The following LYPLAL1 variants were observed in gnomAD, a reference collection of about 807,000 sequenced individuals.
The protein encoded by LYPLAL1 is lysophospholipase like 1.
Under a neutral mutation model 19.7 loss-of-function variants are expected in LYPLAL1, and 23 were observed. The ratio of observed to expected loss-of-function variants is 1.17; its 90% CI spans 0.84 to 1.65. The LOEUF is 1.65. Ranked by LOEUF, LYPLAL1 falls within the 40% of genes most tolerant of loss-of-function variation. The probability of loss-of-function intolerance (pLI) is 0.00; values close to 1 mark genes in which losing one functional copy is unlikely to be tolerated. For missense variants in LYPLAL1, 355 were observed against 279.4 expected (o/e 1.27, Z -1.93); for synonymous variants, 119 against 96.3 (o/e 1.24, Z -1.38).
chr1:219,317,799 A>G, the LYPLAL1 span, among the ~76,000 whole-genome samples: 2 of 152,172 alleles, frequency 1.3e-5, no homozygotes, highest in African/African-American at 2.4e-5. Flanking sequence ...TATGAGATCA[A>G]AAGACCCATG....
chr1:219,335,473 GA>G, the LYPLAL1 span, among the ~76,000 whole-genome samples: 8 of 148,590 alleles, frequency 5.4e-5, no homozygotes, highest in East Asian at 2.0e-4. Flanking sequence ...TAACTTAGCT[GA>G]AAAAAAAACA....
downstream of LYPLAL1, among the ~76,000 whole-genome samples, chr1:219,216,027 G>T (rs1273689434): frequency 1.3e-5 from 2 of 151,820 alleles, no homozygotes; most frequent in African/African-American, 4.8e-5. Context: ...TCCATATGGT[G>T]TCATTTTCCT....
chr1:219,174,236 C>T (rs554356320), intron 1 of LYPLAL1: 326 of 1,379,046 alleles, frequency 2.4e-4, no homozygotes, highest in Non-Finnish European at 2.6e-4. Flanking sequence ...CGCCGCTCAG[C>T]CAGCCCTCCA....
At chr1:219,399,897 C>T in the LYPLAL1 span, among the ~76,000 whole-genome samples, 112 of 152,292 alleles carry the variant, frequency 7.4e-4, no homozygotes, top group African/African-American at 2.5e-3. Flanking sequence ...TGCTCTGCTA[C>T]AGATGCTCCC....
rs547042606 is a variant in LYPLAL1, at chr1:219,190,515, T to TA, written c.192-2561dup. ...AAAAGAAAATCTGGGCTACTATATA[T>TA]AAAAAATGTATGGATTGGCAGGAGC... On this transcript the variant is annotated intron_variant, in intron 2 of 4. Transcript: ENST00000366928. 1.6e-3 allele frequency among the ~76,000 whole-genome samples: 225 copies of TA among 144,532 alleles called. 4 individuals carry two copies. The highest frequency in any genetic ancestry group is 5.5e-3 in the African/African-American group (215 of 39,228). 94.8% of individuals were successfully genotyped at this position (144,532 alleles called of 152,430 possible). A position where few individuals can be genotyped will look rare whatever the true frequency, so the allele number is the denominator to read the frequency against.
chr1:219,249,777 C>T, the LYPLAL1 span, among the ~76,000 whole-genome samples: 15 of 152,038 alleles, frequency 9.9e-5, no homozygotes, highest in East Asian at 1.9e-4. Context: ...ATTAACATTT[C>T]GCTGATAACT....
chr1:219,282,933 G>A, the LYPLAL1 span, among the ~76,000 whole-genome samples: 72 of 152,228 alleles, frequency 4.7e-4, no homozygotes, highest in African/African-American at 1.6e-3. Flanking sequence ...ATAAAGGAAT[G>A]AAAGTTATCA....
chr1:219,263,011 G>T, the LYPLAL1 span, among the ~76,000 whole-genome samples: 7 of 152,292 alleles, frequency 4.6e-5, no homozygotes, highest in East Asian at 1.4e-3. Context: ...TGTGGCAGTA[G>T]AAGGGGGATA....
At chr1:219,420,383 T>C in the LYPLAL1 span, among the ~76,000 whole-genome samples, 3 of 152,246 alleles carry the variant, frequency 2.0e-5, no homozygotes, top group Admixed American at 6.5e-5. Flanking sequence ...TTTGATTGCA[T>C]CCTCTACCTT....
chr1:219,217,280 G>A (rs1381592494), downstream of LYPLAL1, among the ~76,000 whole-genome samples: 1 of 151,992 alleles, frequency 6.6e-6, no homozygotes, highest in Non-Finnish European at 1.5e-5. Context: ...TTAAAGGAAA[G>A]AAATCCAGAT....
chr1:219,209,691 T>C (rs1256012194), intron 3 of LYPLAL1, among the ~76,000 whole-genome samples: 1 of 152,116 alleles, frequency 6.6e-6, no homozygotes, highest in African/African-American at 2.4e-5. Flanking sequence ...TCATTTAGCT[T>C]TCTCTCAAGC....
intron 3 of LYPLAL1, among the ~76,000 whole-genome samples, chr1:219,208,192 G>C (rs1307632818): frequency 6.6e-6 from 1 of 152,086 alleles, no homozygotes; most frequent in Non-Finnish European, 1.5e-5. Flanking sequence ...TGTTCTGAGA[G>C]ATAGGGATTC....
chr1:219,414,893 G>A, the LYPLAL1 span, among the ~76,000 whole-genome samples: 1 of 152,242 alleles, frequency 6.6e-6, no homozygotes, highest in Non-Finnish European at 1.5e-5. Context: ...AATATTAGCA[G>A]CATGAGAAAC....
the LYPLAL1 span, among the ~76,000 whole-genome samples, chr1:219,321,875 A>G: frequency 2.0e-5 from 3 of 152,136 alleles, no homozygotes; most frequent in South Asian, 6.2e-4. Context: ...TGGGTAATAT[A>G]CCCTAGACCA....
At chr1:219,395,369 T>C in the LYPLAL1 span, among the ~76,000 whole-genome samples, 4 of 152,248 alleles carry the variant, frequency 2.6e-5, no homozygotes, top group African/African-American at 4.8e-5. Flanking sequence ...ATTTCTCTAA[T>C]GATCAGTGAT....
the LYPLAL1 span, among the ~76,000 whole-genome samples, chr1:219,306,865 CAGACAGAT>C: frequency 5.4e-5 from 8 of 149,082 alleles, no homozygotes; most frequent in Admixed American, 4.0e-4. Context: ...GACAGACAGA[CAGACAGAT>C]AGATAGAGAT....
the LYPLAL1 span, among the ~76,000 whole-genome samples, chr1:219,351,024 A>G: frequency 6.6e-6 from 1 of 152,046 alleles, no homozygotes; most frequent in Admixed American, 6.6e-5. Flanking sequence ...ATAGAAAACA[A>G]AAAGACCAGG....
rs1295365162 is a variant in LYPLAL1, at chr1:219,210,613, C to G, written c.443C>G (p.Ser148Cys). The G allele has an allele frequency of 5.6e-6, 9 of 1,609,282 alleles. No individual in the cohort carries two copies. Among genetic ancestry groups the G allele is most frequent in the South Asian group, 1.1e-5 (1 of 90,168 alleles). ...GATGTGGCAGGAGTATTTGCTCTTTCTAGTTTTCTGAATAAAGCATCTGCT... is the reference window on the plus strand; with the variant it reads ...GATGTGGCAGGAGTATTTGCTCTTTGTAGTTTTCTGAATAAAGCATCTGCT... ...HQDVAGVFALSSFLNKASAVY... is the reference protein window; with the variant it reads ...HQDVAGVFALCSFLNKASAVY... Residue 148 changes from serine to cysteine, a missense_variant, in exon 4 of 5, where the codon TCT (serine) becomes TGT (cysteine). Physicochemically the swap from Ser to Cys is moderately radical, Grantham distance 112 (BLOSUM62 -1). Coordinates refer to ENST00000366928, the MANE Select transcript of LYPLAL1 (RefSeq NM_138794.5).
chr1:219,254,400 T>C, the LYPLAL1 span, among the ~76,000 whole-genome samples: 6 of 152,008 alleles, frequency 3.9e-5, no homozygotes, highest in African/African-American at 1.2e-4. Flanking sequence ...TAAGTGTGTT[T>C]TTGTATTAGC....
Sources: allele counts gnomAD v4.1 joint callset (sites outside exome capture counted in the v4.1 genomes callset), GRCh38; gene constraint gnomAD v4.1.1; transcripts MANE v1.5; gene names NCBI Gene and HGNC (gene_info 2026-07-23, HGNC 2026-07-21).